Variants in ATXN1 observed in about 807,000 individuals in gnomAD.
ATXN1 encodes ataxin-1.
ATXN1 carries 8 observed loss-of-function variants against 56.4 expected under a neutral mutation model. That is an observed-to-expected ratio of 0.14 (90% CI 0.08 to 0.26). ATXN1 has a LOEUF of 0.26. Among genes scored for constraint, ATXN1 ranks in the 10% least tolerant of loss-of-function variants. The pLI, the probability that ATXN1 is intolerant of heterozygous loss-of-function variation, is 1.00. For missense variants in ATXN1, 987 were observed against 1,106.5 expected (o/e 0.89, Z 1.53); for synonymous variants, 514 against 494.6 (o/e 1.04, Z -0.52).
intron 6 of ATXN1, among the ~76,000 whole-genome samples, chr6:16,428,846 TG>T (rs1759215281): frequency 6.6e-6 from 1 of 151,882 alleles, no homozygotes; most frequent in Admixed American, 6.6e-5. Context: ...AAGCCCCAAG[TG>T]GGGAGAGGTT....
At position 16,327,267 on chromosome 6, in the gene ATXN1, G is replaced by A. The variant is rs141870598; in HGVS notation, c.1044C>T (p.Gly348=). Residue 348 remains glycine, a synonymous_variant, in exon 7 of 8, where the codon GGC becomes GGT. Coordinates refer to ENST00000436367, the MANE Select transcript of ATXN1 (RefSeq NM_001128164.2). ...SSADLGLGKA[G]GKSVPHPYES... ...CGTACGGGTGAGGAACCGACTTGCC[G>A]CCTGCCTTGCCCAGGCCCAGGTCGG... The A allele has an allele frequency of 3.7e-5, 60 of 1,612,990 alleles. No individual in the cohort carries two copies. Among genetic ancestry groups the A allele is most frequent in the Non-Finnish European group, 4.5e-5 (53 of 1,179,670 alleles).
intron 7 of ATXN1, among the ~76,000 whole-genome samples, chr6:16,325,005 G>A (rs1305644328): frequency 6.6e-6 from 1 of 152,080 alleles, no homozygotes; most frequent in Non-Finnish European, 1.5e-5. Flanking sequence ...AAACCAACCA[G>A]TCCAGAGCTA....
intron 6 of ATXN1, among the ~76,000 whole-genome samples, chr6:16,361,702 CA>C (rs1675930026): frequency 6.6e-6 from 1 of 152,132 alleles, no homozygotes; most frequent in Non-Finnish European, 1.5e-5. Flanking sequence ...TCTCTCTTCC[CA>C]AACTTCTCCT....
At chr6:16,589,143 A>C (rs908628741) in intron 3 of ATXN1, among the ~76,000 whole-genome samples, 1 of 152,048 alleles carries the variant, frequency 6.6e-6, no homozygotes, top group Non-Finnish European at 1.5e-5. Flanking sequence ...TCTCTGTGAA[A>C]AACTCCCTGA....
At chr6:16,486,416 G>A (rs1200943051) in intron 5 of ATXN1, among the ~76,000 whole-genome samples, 1 of 152,154 alleles carries the variant, frequency 6.6e-6, no homozygotes, top group East Asian at 1.9e-4. Context: ...GCAAAAGGAG[G>A]CAAGGACTAG....
At chr6:16,379,440 T>C (rs1762207769) in intron 6 of ATXN1, among the ~76,000 whole-genome samples, 1 of 152,232 alleles carries the variant, frequency 6.6e-6, no homozygotes, top group African/African-American at 2.4e-5. Context: ...GTTATTATTA[T>C]GCCACTTATT....
chr6:16,689,521 C>CTTTTTTTTTTTTTTT (rs11374047), intron 2 of ATXN1, among the ~76,000 whole-genome samples: 19 of 105,202 alleles, frequency 1.8e-4, no homozygotes, highest in African/African-American at 3.3e-4. Flanking sequence ...TTTTTTTTTT[C>CTTTTTTTTTTTTTTT]TTTTTTTTTT....
chr6:16,443,595 AC>A (rs1159885429), intron 6 of ATXN1, among the ~76,000 whole-genome samples: 1 of 152,194 alleles, frequency 6.6e-6, no homozygotes, highest in East Asian at 1.9e-4. Flanking sequence ...AATAAAAAAA[AC>A]CTTAAACATT....
At chr6:16,727,848 G>A (rs911418871) in intron 2 of ATXN1, among the ~76,000 whole-genome samples, 4 of 152,178 alleles carry the variant, frequency 2.6e-5, no homozygotes, top group African/African-American at 7.2e-5. Flanking sequence ...GTCAGAGACC[G>A]TTTCCTCCAT....
intron 6 of ATXN1, among the ~76,000 whole-genome samples, chr6:16,391,261 T>A (rs179956): frequency 0.13 from 20,169 of 151,234 alleles, 1,424 homozygotes; most frequent in Non-Finnish European, 0.16. Flanking sequence ...TATTTTTTTT[T>A]AAAAAAAAGA....
chr6:16,751,987 G>A (rs1326962552), intron 2 of ATXN1, among the ~76,000 whole-genome samples: 1 of 152,104 alleles, frequency 6.6e-6, no homozygotes, highest in African/African-American at 2.4e-5. Context: ...AAAGGACATA[G>A]GACTACTCAA....
intron 6 of ATXN1, among the ~76,000 whole-genome samples, chr6:16,400,425 G>A (rs1758544137): frequency 1.3e-5 from 2 of 152,112 alleles, no homozygotes; most frequent in African/African-American, 2.4e-5. Flanking sequence ...TTCTGACCAC[G>A]TGGCCATGGC....
intron 4 of ATXN1, among the ~76,000 whole-genome samples, chr6:16,544,481 A>G (rs1761776155): frequency 6.6e-6 from 1 of 152,192 alleles, no homozygotes; most frequent in African/African-American, 2.4e-5. Flanking sequence ...TGTAGCTACA[A>G]TCATGTGAAA....
intron 3 of ATXN1, among the ~76,000 whole-genome samples, chr6:16,602,696 C>T (rs556985585): frequency 3.3e-4 from 51 of 152,258 alleles, no homozygotes; most frequent in African/African-American, 1.2e-3. Context: ...ATGAACCACC[C>T]GCTTCGGCCT....
chr6:16,489,107 CTT>C (rs1760607467), intron 5 of ATXN1, among the ~76,000 whole-genome samples: 1 of 152,156 alleles, frequency 6.6e-6, no homozygotes, highest in Admixed American at 6.5e-5. Flanking sequence ...GTTATACTGT[CTT>C]TTTATACTCC....
In ATXN1 at chr6:16,634,556, T is replaced by C. The variant is rs147476956; in HGVS notation, c.-489+23220A>G. ...TTTCTTCTCCAAAAAAGAAACCCTG[T>C]GTACATTAGCAGTCACTCTGCATTC... On this transcript the variant is annotated intron_variant, in intron 3 of 7. Coordinates refer to ENST00000436367, the MANE Select transcript of ATXN1 (RefSeq NM_001128164.2). Among the ~76,000 whole-genome samples, 61 of 152,308 alleles carry C rather than the reference T, an allele frequency of 4.0e-4. 1 individual carries two copies. In the East Asian group the frequency reaches 0.011, roughly 28 times the overall value.
At chr6:16,408,841 A>G (rs575150140) in intron 6 of ATXN1, among the ~76,000 whole-genome samples, 1 of 152,292 alleles carries the variant, frequency 6.6e-6, no homozygotes, top group East Asian at 1.9e-4. Context: ...CCTGGGTTCA[A>G]GCGATCCTCC....
chr6:16,756,058 T>C (rs1258733705), intron 1 of ATXN1, among the ~76,000 whole-genome samples: 2 of 152,110 alleles, frequency 1.3e-5, no homozygotes, highest in East Asian at 1.9e-4. Context: ...GTAATACAAA[T>C]ATTTATAGTA....
chr6:16,316,708 T>C (rs1760517012), intron 7 of ATXN1, among the ~76,000 whole-genome samples: 1 of 151,628 alleles, frequency 6.6e-6, no homozygotes. Flanking sequence ...GATCACGCCA[T>C]TGCACCCCAG....
Sources: allele counts gnomAD v4.1 joint callset (sites outside exome capture counted in the v4.1 genomes callset), GRCh38; gene constraint gnomAD v4.1.1; transcripts MANE v1.5; gene names NCBI Gene and HGNC (gene_info 2026-07-23, HGNC 2026-07-21).